Variants in TNRC6A observed in about 807,000 individuals in gnomAD.
TNRC6A encodes the protein trinucleotide repeat-containing gene 6A protein.
A neutral mutation model predicts 221.2 loss-of-function variants in TNRC6A; 44 were observed. That is an observed-to-expected ratio of 0.20 (90% CI 0.16 to 0.26). TNRC6A has a LOEUF of 0.26. Ranked by LOEUF, TNRC6A falls within the 10% of genes least tolerant of loss-of-function variation. The pLI, the probability that TNRC6A is intolerant of heterozygous loss-of-function variation, is 1.00. For synonymous variants in TNRC6A, 847 were observed against 838.5 expected (o/e 1.01, Z -0.18); for missense variants, 2,199 against 2,404.4 (o/e 0.91, Z 1.79).
rs2056577896 is a variant in TNRC6A at position 24,729,819 on chromosome 16, A to C, written c.-23A>C. The C allele has an allele frequency of 7.1e-7, 1 of 1,404,240 alleles. No homozygotes were observed. Among genetic ancestry groups the C allele is most frequent in the African/African-American group, 1.5e-5 (1 of 64,904 alleles). 87.0% of individuals were successfully genotyped at this position (1,404,240 alleles called of 1,614,324 possible). On this transcript the variant is annotated 5_prime_UTR_variant, in exon 1 of 25. Transcript: ENST00000395799. The stretch of plus-strand genomic sequence containing the variant: ...TCGCGAGCCTCCTTCGCCGCGCCCC[A>C]CTTGCTCGTGCACTTTACACACATG...
Position 24,713,965 on chromosome 16 carries a change from C to T in TNRC6A, n.403-36761C>T, listed in dbSNP as rs553921779. ...TTGGCCATTAATCATTGTTTTTAAACGATTCAATTATGATTTGCCTTGGTG... is the reference window on the plus strand; with the variant it reads ...TTGGCCATTAATCATTGTTTTTAAATGATTCAATTATGATTTGCCTTGGTG... On this transcript the variant is annotated intron_variant and non_coding_transcript_variant, in intron 2 of 2. Transcript: ENST00000566108. 5.9e-5 allele frequency among the ~76,000 whole-genome samples: 9 copies of T among 152,170 alleles called. No homozygotes were observed. In the South Asian group the frequency reaches 6.2e-4, roughly 11 times the overall value.
chr16:24,752,431 G>A (rs7342809), intron 3 of TNRC6A, among the ~76,000 whole-genome samples: 2,141 of 152,242 alleles, frequency 0.014, 68 homozygotes, highest in African/African-American at 0.049. Context: ...AGATGATGTG[G>A]CCCTAGCCAC....
chr16:24,692,649 G>T (rs751591080), intron 2 of TNRC6A, among the ~76,000 whole-genome samples: 34 of 151,738 alleles, frequency 2.2e-4, no homozygotes, highest in Non-Finnish European at 3.5e-4. Flanking sequence ...TAGAAAAGAG[G>T]CTGCAGTGAG....
At chr16:24,656,189 G>A (rs932693069) in intron 2 of TNRC6A, among the ~76,000 whole-genome samples, 6 of 151,060 alleles carry the variant, frequency 4.0e-5, no homozygotes, top group East Asian at 1.9e-4. Context: ...GAGGCCGGGC[G>A]TGGTGGCTCA....
chr16:24,653,341 T>A (rs1390137672), intron 2 of TNRC6A, among the ~76,000 whole-genome samples: 1 of 152,182 alleles, frequency 6.6e-6, no homozygotes, highest in Non-Finnish European at 1.5e-5. Flanking sequence ...AATCGATTTT[T>A]AAAATCTAGC....
chr16:24,756,202 G>C (rs1454471067), intron 3 of TNRC6A, among the ~76,000 whole-genome samples: 1 of 152,052 alleles, frequency 6.6e-6, no homozygotes, highest in Non-Finnish European at 1.5e-5. Flanking sequence ...TAGAAATTTG[G>C]TGTGTATTTT....
In TNRC6A at chr16:24,758,365, G is replaced by A. The variant is rs2057295268; in HGVS notation, c.163+5G>A. ...CCACTGAACAAAAAATCAAAGGTAC[G>A]TTGTTTAAAGCTATTTTTTATCCCT... On this transcript the variant is annotated splice_donor_5th_base_variant and intron_variant, in intron 4 of 24. Coordinates refer to ENST00000395799, the MANE Select transcript of TNRC6A (RefSeq NM_014494.4). The A allele has an allele frequency of 2.5e-6, 4 of 1,609,650 alleles. No homozygotes were observed. Among genetic ancestry groups the A allele is most frequent in the East Asian group, 2.2e-5 (1 of 44,812 alleles).
Position 24,648,274 on chromosome 16 carries a change from C to CTTTTTTTTTTTT in TNRC6A, n.402+7269_402+7280dup, listed in dbSNP as rs71156430. On this transcript the variant is annotated intron_variant and non_coding_transcript_variant, in intron 2 of 2. Transcript: ENST00000566108. Reference sequence around the variant, plus strand: ...GCAATTGTACCACTTTCCACAGCAACTTTTTTTTTTTTTTTGAGATGGAGT... The same window carrying CTTTTTTTTTTTT: ...GCAATTGTACCACTTTCCACAGCAACTTTTTTTTTTTTTTTTTTTTTTTTTTTGAGATGGAGT... Among the ~76,000 whole-genome samples, 918 of 97,778 alleles carry CTTTTTTTTTTTT rather than the reference C, an allele frequency of 9.4e-3. 173 individuals are homozygous for CTTTTTTTTTTTT. The highest frequency in any genetic ancestry group is 0.03 in the African/African-American group (644 of 21,248). 64.1% of individuals were successfully genotyped at this position (97,778 alleles called of 152,430 possible).
rs745631199 is a variant in TNRC6A at position 24,790,298 on chromosome 16, G to A, written c.1656G>A (p.Gln552=). The A allele has an allele frequency of 5.0e-6, 8 of 1,614,246 alleles. No homozygotes were observed. The East Asian group carries it at 1.6e-4, about 31-fold the overall frequency. ...ACACTGTGAATGCAACTCTAATGCAGCCTGGCGTAAATGGTCCTATGGGCA... is the reference window on the plus strand; with the variant it reads ...ACACTGTGAATGCAACTCTAATGCAACCTGGCGTAAATGGTCCTATGGGCA... ...NGDTVNATLM[Q]PGVNGPMGTN... Residue 552 remains glutamine (Q), a synonymous_variant, in exon 6 of 25, where the codon CAG becomes CAA. Transcript: ENST00000395799.
rs1353308819 is a variant in TNRC6A, at chr16:24,824,892, CAAA to C, written c.*1090_*1092del. 4.0e-5 allele frequency: 6 copies of C among 151,710 alleles called. No homozygotes were observed. Among genetic ancestry groups the C allele is most frequent in the Non-Finnish European group, 5.9e-5 (4 of 67,848 alleles). 9.4% of individuals were successfully genotyped at this position (151,710 alleles called of 1,614,324 possible). On this transcript the variant is annotated 3_prime_UTR_variant, in exon 25 of 25. Transcript: ENST00000395799. ...TTCTCTGCCAAAAAAAAAGAAAAAACAAAAAAACGCTTAAAGCTGGAGTTTGAC... is the reference window on the plus strand; with the variant it reads ...TTCTCTGCCAAAAAAAAAGAAAAAACAAAACGCTTAAAGCTGGAGTTTGAC...
At chr16:24,743,543 T>G (rs547334187) in intron 2 of TNRC6A, among the ~76,000 whole-genome samples, 4 of 130,816 alleles carry the variant, frequency 3.1e-5, no homozygotes, top group African/African-American at 8.1e-5. Context: ...CAGGCTGGTC[T>G]CGAACTCCTG....
rs2058741877 is a variant in TNRC6A, at chr16:24,820,308, T to A, written c.5250T>A (p.Ser1750=). The A allele has an allele frequency of 6.2e-7, 1 of 1,614,056 alleles. No homozygotes were observed. The highest frequency in any genetic ancestry group is 1.3e-5 in the African/African-American group (1 of 74,906). ...QKPPLSTWDN[S]PLRIGGGWGN... ...CACCCTTGTCTACGTGGGATAATTC[T>A]CCCCTTCGTATAGGTGGAGGATGGG... The change falls in exon 22 of 25, where the codon TCT becomes TCA. Residue 1750 remains serine, a synonymous_variant. Coordinates refer to ENST00000395799, the MANE Select transcript of TNRC6A (RefSeq NM_014494.4).
intron 3 of TNRC6A, among the ~76,000 whole-genome samples, chr16:24,756,417 C>G (rs1264507222): frequency 6.6e-6 from 1 of 152,112 alleles, no homozygotes; most frequent in African/African-American, 2.4e-5. Flanking sequence ...CTCTTAGTTC[C>G]GTTTCTTCCC....
chr16:24,809,349 G>A lies in TNRC6A; in HGVS notation c.4541-1G>A. ...TTTTGTTTTGTTTTTTAATTTTTCA[G>A]GCTTGAACTCAAACTTGAATGTAAA... On this transcript the variant is annotated splice_acceptor_variant, in intron 17 of 24. Transcript: ENST00000395799. LOFTEE classifies it high-confidence loss of function. The A allele has an allele frequency of 6.6e-7, 1 of 1,515,014 alleles. No individual in the cohort carries two copies. Among genetic ancestry groups the A allele is most frequent in the South Asian group, 1.4e-5 (1 of 73,198 alleles). 93.8% of individuals were successfully genotyped at this position (1,515,014 alleles called of 1,614,324 possible).
chr16:24,799,999 A>G lies in TNRC6A; in HGVS notation c.3694+2033A>G, dbSNP rs2058299439. ...AATCACATCAGTTACCCCAGCCAGTAGACTAGTTTTGTTTGTTTGTTTGTT... is the reference window on the plus strand; with the variant it reads ...AATCACATCAGTTACCCCAGCCAGTGGACTAGTTTTGTTTGTTTGTTTGTT... On this transcript the variant is annotated intron_variant, in intron 11 of 24. Transcript: ENST00000395799. Among the ~76,000 whole-genome samples the G allele has an allele frequency of 2.0e-5, 3 of 152,314 alleles. No individual in the cohort carries two copies. The South Asian group carries it at 6.2e-4, about 32-fold the overall frequency.
intron 2 of TNRC6A, among the ~76,000 whole-genome samples, chr16:24,674,685 C>T (rs1295729313): frequency 7.8e-6 from 1 of 128,996 alleles, no homozygotes; most frequent in Non-Finnish European, 1.5e-5. Context: ...TCTTACAACA[C>T]TGCCCCCACC....
chr16:24,626,253 C>A (rs541929339), intron 1 of TNRC6A, among the ~76,000 whole-genome samples: 21 of 152,104 alleles, frequency 1.4e-4, no homozygotes, highest in South Asian at 8.3e-4. Context: ...AATCGCAAAT[C>A]TAGTGGTCAC....
chr16:24,687,024 A>T (rs542401166), intron 2 of TNRC6A, among the ~76,000 whole-genome samples: 24 of 152,308 alleles, frequency 1.6e-4, no homozygotes, highest in African/African-American at 4.6e-4. Flanking sequence ...GGACTGTCCT[A>T]GTGCCCACTT....
chr16:24,624,869 C>T (rs774004559), intron 1 of TNRC6A, among the ~76,000 whole-genome samples: 4 of 152,148 alleles, frequency 2.6e-5, no homozygotes, highest in East Asian at 1.9e-4. Flanking sequence ...CATCAGTCAC[C>T]GAACAGAGGT....
Sources: gnomAD v4.1 joint callset for allele counts (sites outside exome capture counted in the v4.1 genomes callset) on GRCh38, gnomAD v4.1.1 for gene constraint, MANE v1.5 for transcripts, NCBI Gene and HGNC (gene_info 2026-07-23, HGNC 2026-07-21) for gene names.